TBCA: variants seen among roughly 807,000 people sequenced by gnomAD.
The protein encoded by TBCA is tubulin folding cofactor A.
A neutral mutation model predicts 15.8 loss-of-function variants in TBCA; 6 were observed. The ratio of observed to expected loss-of-function variants is 0.38; its 90% CI spans 0.21 to 0.75. TBCA has a LOEUF of 0.75. TBCA is among the 30% of genes least tolerant of loss of function. The probability of loss-of-function intolerance (pLI) is 0.46; values close to 1 mark genes in which losing one functional copy is unlikely to be tolerated. For missense variants in TBCA, 90 were observed against 131.2 expected (o/e 0.69, Z 1.53); for synonymous variants, 32 against 42.3 (o/e 0.76, Z 0.94).
At position 77,691,506 on chromosome 5, in the gene TBCA, G is replaced by A. The variant is rs556679775; in HGVS notation, c.247-8C>T. ...CAAGTCTTTTTCATTTTCCTAAAAT[G>A]AAATACAATAAAAATTAAGTTTATC... On this transcript the variant is annotated splice_region_variant and splice_polypyrimidine_tract_variant and intron_variant, in intron 3 of 3. Coordinates refer to ENST00000380377, the MANE Select transcript of TBCA (RefSeq NM_004607.3). 8.2e-6 allele frequency: 13 copies of A among 1,577,008 alleles called. No homozygotes were observed. The East Asian group carries it at 2.1e-4, about 25-fold the overall frequency.
chr5:77,744,531 CTT>C (rs70991305), intron 1 of TBCA, among the ~76,000 whole-genome samples: 174 of 82,950 alleles, frequency 2.1e-3, no homozygotes, highest in African/African-American at 7.6e-3. Flanking sequence ...TCTTATTCAC[CTT>C]TTTTTTTTTT....
At chr5:77,753,466 C>T (rs1163749506) in intron 1 of TBCA, among the ~76,000 whole-genome samples, 1 of 152,080 alleles carries the variant, frequency 6.6e-6, no homozygotes, top group Non-Finnish European at 1.5e-5. Context: ...TACTTTAAAC[C>T]ATTAATTTAA....
chr5:77,711,907 A>T (rs967486137), intron 1 of TBCA, among the ~76,000 whole-genome samples: 1 of 152,158 alleles, frequency 6.6e-6, no homozygotes, highest in African/African-American at 2.4e-5. Context: ...TTTTGCTTAA[A>T]AAGTCATATT....
intron 1 of TBCA, among the ~76,000 whole-genome samples, chr5:77,733,496 T>C (rs997416368): frequency 6.6e-6 from 1 of 152,224 alleles, no homozygotes; most frequent in Non-Finnish European, 1.5e-5. Flanking sequence ...AAAGTTTTAG[T>C]GATCTGGATA....
chr5:77,725,711 G>A (rs1233448357), intron 1 of TBCA, among the ~76,000 whole-genome samples: 1 of 152,144 alleles, frequency 6.6e-6, no homozygotes, highest in East Asian at 1.9e-4. Context: ...AAAACACTTT[G>A]TCATATTTTA....
intron 1 of TBCA, among the ~76,000 whole-genome samples, chr5:77,739,746 T>G (rs1052988370): frequency 1.3e-5 from 2 of 152,090 alleles, no homozygotes; most frequent in Non-Finnish European, 2.9e-5. Context: ...TGAACTACAG[T>G]GGCAAGTAAA....
chr5:77,774,414 T>C (rs1187437101), intron 1 of TBCA, among the ~76,000 whole-genome samples: 3 of 152,160 alleles, frequency 2.0e-5, no homozygotes, highest in African/African-American at 7.2e-5. Context: ...ACATTTACAA[T>C]CTATTCTCTC....
intron 1 of TBCA, among the ~76,000 whole-genome samples, chr5:77,713,592 T>C (rs1357302808): frequency 1.3e-5 from 2 of 152,168 alleles, no homozygotes; most frequent in Non-Finnish European, 2.9e-5. Flanking sequence ...AGTCAACCAG[T>C]GATCATTTCT....
intron 1 of TBCA, among the ~76,000 whole-genome samples, chr5:77,725,355 C>A (rs1746609621): frequency 6.6e-6 from 1 of 152,148 alleles, no homozygotes; most frequent in Non-Finnish European, 1.5e-5. Flanking sequence ...TCAATTTAAT[C>A]CTAATTTGGA....
chr5:77,773,070 T>A (rs1018848886), intron 1 of TBCA, among the ~76,000 whole-genome samples: 3 of 152,196 alleles, frequency 2.0e-5, no homozygotes, highest in African/African-American at 7.2e-5. Flanking sequence ...CCCTGATAGT[T>A]CTGCCAAATA....
chr5:77,735,518 T>G (rs1482221031), intron 1 of TBCA, among the ~76,000 whole-genome samples: 2 of 152,186 alleles, frequency 1.3e-5, no homozygotes, highest in Non-Finnish European at 2.9e-5. Context: ...TATGGCACCA[T>G]GTCAAACATG....
At chr5:77,741,410 A>C (rs78564366) in intron 1 of TBCA, among the ~76,000 whole-genome samples, 1,968 of 152,302 alleles carry the variant, frequency 0.013, 55 homozygotes, top group African/African-American at 0.044. Flanking sequence ...AGAGGTTCAG[A>C]TCTTTTATTC....
rs766569865 is a variant in TBCA, at chr5:77,700,215, C to CA, written c.160-6864dup. Among the ~76,000 whole-genome samples the CA allele has an allele frequency of 5.9e-5, 9 of 151,842 alleles. No homozygotes were observed. The South Asian group carries it at 8.3e-4, about 14-fold the overall frequency. ...GCAAGATTCTGTCTCAAAACAAAAA[C>CA]AAAAACAAAAATCCCTGTTTCCCTG... On this transcript the variant is annotated intron_variant, in intron 2 of 3. Transcript: ENST00000380377.
intron 1 of TBCA, among the ~76,000 whole-genome samples, chr5:77,756,567 T>C (rs1031368175): frequency 2.6e-5 from 4 of 151,968 alleles, no homozygotes; most frequent in African/African-American, 7.3e-5. Context: ...ATGAAGACTT[T>C]AGAATCTTCT....
Position 77,746,215 on chromosome 5 carries a change from G to A in TBCA, c.53+29990C>T, listed in dbSNP as rs974659982. Among the ~76,000 whole-genome samples the A allele has an allele frequency of 1.2e-4, 18 of 151,974 alleles. 1 individual carries two copies. The highest frequency in any genetic ancestry group is 1.9e-4 in the East Asian group (1 of 5,194). ...AGGCCAAGGAAGAAGCATCACTTAC[G>A]CTCAGGAGTTCCAGACTAGACTGGG... On this transcript the variant is annotated intron_variant, in intron 1 of 3. Transcript: ENST00000380377.
chr5:77,748,681 A>C (rs567729166), intron 1 of TBCA, among the ~76,000 whole-genome samples: 33 of 152,202 alleles, frequency 2.2e-4, no homozygotes, highest in Admixed American at 4.6e-4. Flanking sequence ...ATGGAGACAG[A>C]ATAGAAGTGC....
At chr5:77,715,706 ACACAATAAG>A (rs1290185136) in intron 1 of TBCA, among the ~76,000 whole-genome samples, 1 of 152,196 alleles carries the variant, frequency 6.6e-6, no homozygotes, top group Non-Finnish European at 1.5e-5. Context: ...AGTGCCTAGA[ACACAATAAG>A]CAGTTAATAA....
At chr5:77,749,632 C>T (rs1439925820) in intron 1 of TBCA, among the ~76,000 whole-genome samples, 1 of 152,150 alleles carries the variant, frequency 6.6e-6, no homozygotes, top group Non-Finnish European at 1.5e-5. Context: ...GTCAATAGAA[C>T]TCTTTAAGGC....
intron 1 of TBCA, among the ~76,000 whole-genome samples, chr5:77,730,193 G>A (rs897563606): frequency 2.6e-4 from 39 of 152,116 alleles, no homozygotes; most frequent in Admixed American, 2.2e-3. Context: ...TGGAAATATC[G>A]ATTTTGTAGA....
Sources: allele counts gnomAD v4.1 joint callset (sites outside exome capture counted in the v4.1 genomes callset), GRCh38; gene constraint gnomAD v4.1.1; transcripts MANE v1.5; gene names NCBI Gene and HGNC (gene_info 2026-07-23, HGNC 2026-07-21).